PVT1: variants seen among roughly 807,000 people sequenced by gnomAD.
PVT1 encodes the protein CXCR4/PVT1 fusion.
chr8:127,853,988 G>T (rs1238975147), intron 2 of PVT1, among the ~76,000 whole-genome samples: 1 of 151,914 alleles, frequency 6.6e-6, no homozygotes, highest in Non-Finnish European at 1.5e-5. Context: ...TCTCTTCCCG[G>T]CTCCTCTGCC....
At chr8:128,025,680 G>T (rs2130061231) in intron 4 of PVT1, among the ~76,000 whole-genome samples, 1 of 152,302 alleles carries the variant, frequency 6.6e-6, no homozygotes, top group South Asian at 2.1e-4. Flanking sequence ...CTATTTCCAA[G>T]GCTGTTTCTT....
intron 4 of PVT1, among the ~76,000 whole-genome samples, chr8:128,023,271 A>G (rs1034119975): frequency 6.6e-6 from 1 of 152,200 alleles, no homozygotes; most frequent in South Asian, 2.1e-4. Flanking sequence ...GAGAAGAAAG[A>G]ATGACACATA....
intron 2 of PVT1, among the ~76,000 whole-genome samples, chr8:127,802,176 A>C (rs1414579031): frequency 6.6e-6 from 1 of 151,740 alleles, no homozygotes; most frequent in Non-Finnish European, 1.5e-5. Context: ...CAGCTTTCCA[A>C]AGTGCTGGAA....
In PVT1 at chr8:127,813,011, A is replaced by G. The variant is rs537522802; in HGVS notation, n.372+16940A>G. Among the ~76,000 whole-genome samples the G allele has an allele frequency of 7.4e-4, 112 of 151,944 alleles. 1 individual carries two copies. The highest frequency in any genetic ancestry group is 1.2e-3 in the Non-Finnish European group (83 of 67,978). The stretch of plus-strand genomic sequence containing the variant: ...ATAATATAGCATTAATATAGGTACA[A>G]TCTGGAGTAATGTTATCTAGTACTA... On this transcript the variant is annotated intron_variant and non_coding_transcript_variant, in intron 2 of 10. Transcript: ENST00000651587.
chr8:127,937,822 A>G (rs1816298451), intron 3 of PVT1, among the ~76,000 whole-genome samples: 1 of 152,166 alleles, frequency 6.6e-6, no homozygotes, highest in Non-Finnish European at 1.5e-5. Flanking sequence ...TTTATTACCC[A>G]TGGTTTACAG....
chr8:127,907,994 G>A (rs1271738858), intron 3 of PVT1, among the ~76,000 whole-genome samples: 1 of 152,190 alleles, frequency 6.6e-6, no homozygotes, highest in East Asian at 1.9e-4. Context: ...TCCCTGCCTG[G>A]AGTTGGGTTC....
Position 127,910,530 on chromosome 8 carries a change from T to C in PVT1, n.782+19532T>C, listed in dbSNP as rs1031611512. 3.9e-5 allele frequency among the ~76,000 whole-genome samples: 6 copies of C among 152,214 alleles called. No individual in the cohort carries two copies. In the Middle Eastern group the frequency reaches 9.5e-3, roughly 241 times the overall value. On this transcript the variant is annotated intron_variant and non_coding_transcript_variant, in intron 3 of 10. Transcript: ENST00000651587. The stretch of plus-strand genomic sequence containing the variant: ...TTATGGCCTTTCCTTGGTAAATCTC[T>C]GTGTGATTGATAACTCATGAAGAAC...
At chr8:127,966,158 C>G (rs561741514) in intron 3 of PVT1, among the ~76,000 whole-genome samples, 1 of 152,228 alleles carries the variant, frequency 6.6e-6, no homozygotes, top group South Asian at 2.1e-4. Flanking sequence ...ATAATAACAG[C>G]GTCTAAGAGA....
intron 3 of PVT1, among the ~76,000 whole-genome samples, chr8:127,914,816 T>G (rs1000968300): frequency 2.7e-5 from 3 of 111,854 alleles, no homozygotes; most frequent in Non-Finnish European, 5.0e-5. Context: ...TTGTTGTTGG[T>G]TTTTTTTTTT....
At chr8:127,924,123 A>T (rs1816097398) in intron 3 of PVT1, among the ~76,000 whole-genome samples, 1 of 152,102 alleles carries the variant, frequency 6.6e-6, no homozygotes, top group South Asian at 2.1e-4. Context: ...TTGGGGACAC[A>T]TGTCTGTGTG....
intron 3 of PVT1, among the ~76,000 whole-genome samples, chr8:127,912,618 C>T (rs894197195): frequency 1.3e-5 from 2 of 152,070 alleles, no homozygotes; most frequent in African/African-American, 2.4e-5. Flanking sequence ...AGGAATTTGC[C>T]AGAAATTATA....
At chr8:127,900,176 G>A (rs1815740806) in intron 3 of PVT1, among the ~76,000 whole-genome samples, 1 of 151,904 alleles carries the variant, frequency 6.6e-6, no homozygotes, top group South Asian at 2.1e-4. Context: ...TGAGTAGCTG[G>A]GACTGCAGGC....
intron 4 of PVT1, chr8:128,009,014 G>T: frequency 4.1e-6 from 2 of 485,652 alleles, no homozygotes; most frequent in Non-Finnish European, 8.9e-6. Context: ...ATAAATATAT[G>T]GCTGAACTAA....
chr8:128,082,676 G>C (rs1814202470), intron 5 of PVT1: 1 of 152,182 alleles, frequency 6.6e-6, no homozygotes, highest in Non-Finnish European at 1.5e-5. Context: ...ATGCTGAGGA[G>C]GGAGTCTCTT....
chr8:127,886,256 T>C (rs1206865468), intron 2 of PVT1, among the ~76,000 whole-genome samples: 3 of 152,200 alleles, frequency 2.0e-5, no homozygotes, highest in Non-Finnish European at 4.4e-5. Flanking sequence ...TTTTTTCAAA[T>C]GTTGGTTTTC....
chr8:128,053,364 C>CATAT (rs142619024), intron 4 of PVT1, among the ~76,000 whole-genome samples: 2 of 149,944 alleles, frequency 1.3e-5, no homozygotes, highest in Non-Finnish European at 3.0e-5. Flanking sequence ...GCTATATATA[C>CATAT]ATATATATAT....
chr8:127,910,070 C>G (rs1815872894), intron 3 of PVT1, among the ~76,000 whole-genome samples: 1 of 151,832 alleles, frequency 6.6e-6, no homozygotes, highest in Admixed American at 6.6e-5. Context: ...GAGTGGGGTG[C>G]AGGGAAGGGC....
chr8:127,899,740 G>A (rs1441317033), intron 3 of PVT1, among the ~76,000 whole-genome samples: 7 of 152,170 alleles, frequency 4.6e-5, no homozygotes, highest in Admixed American at 1.3e-4. Flanking sequence ...CTGAGGCACC[G>A]GTGGAGACCT....
intron 4 of PVT1, among the ~76,000 whole-genome samples, chr8:128,068,772 G>A (rs372069774): frequency 3.9e-5 from 6 of 152,300 alleles, no homozygotes; most frequent in East Asian, 3.9e-4. Context: ...GATTACAGGC[G>A]TGAGCCACTG....
Sources: allele counts gnomAD v4.1 joint callset (sites outside exome capture counted in the v4.1 genomes callset), GRCh38; gene constraint gnomAD v4.1.1; transcripts MANE v1.5; gene names NCBI Gene and HGNC (gene_info 2026-07-23, HGNC 2026-07-21).